Variants in HECW2 observed in about 807,000 individuals in gnomAD.
HECW2 encodes E3 ubiquitin-protein ligase HECW2.
A neutral mutation model predicts 175.2 loss-of-function variants in HECW2; 61 were observed. That is an observed-to-expected ratio of 0.35 (90% CI 0.28 to 0.43). HECW2 has a LOEUF of 0.43. HECW2 is among the 20% of genes least tolerant of loss of function. HECW2 has a pLI of 1.00. For synonymous variants in HECW2, 671 were observed against 731.0 expected (o/e 0.92, Z 1.32); for missense variants, 1,524 against 2,000.5 (o/e 0.76, Z 4.54).
intron 28 of HECW2, among the ~76,000 whole-genome samples, chr2:196,211,865 CAG>C (rs1297583533): frequency 6.6e-6 from 1 of 152,026 alleles, no homozygotes; most frequent in African/African-American, 2.4e-5. Flanking sequence ...CTTTTTGAGA[CAG>C]AGTCTTGCTC....
intron 1 of HECW2, among the ~76,000 whole-genome samples, chr2:196,458,511 G>C (rs1313679695): frequency 6.6e-6 from 1 of 151,876 alleles, no homozygotes; most frequent in Non-Finnish European, 1.5e-5. Context: ...TACTAGTACT[G>C]AGGCAAATCA....
chr2:196,262,659 G>A (rs1204819434), intron 17 of HECW2, among the ~76,000 whole-genome samples: 5 of 151,794 alleles, frequency 3.3e-5, no homozygotes, highest in African/African-American at 7.3e-5. Flanking sequence ...TCTGCCTCCC[G>A]GGTTCAAGTG....
At chr2:196,555,904 G>C (rs947842538) in intron 1 of HECW2, among the ~76,000 whole-genome samples, 2 of 152,094 alleles carry the variant, frequency 1.3e-5, no homozygotes, top group Admixed American at 6.5e-5. Flanking sequence ...CTTGATCTCT[G>C]TGCTTCAGCC....
chr2:196,574,024 A>T (rs1394720384), intron 1 of HECW2, among the ~76,000 whole-genome samples: 1 of 151,894 alleles, frequency 6.6e-6, no homozygotes, highest in Admixed American at 6.6e-5. Context: ...TCAAAAAAAA[A>T]GTTCCAGGAT....
intron 2 of HECW2, among the ~76,000 whole-genome samples, chr2:196,379,211 GTC>G (rs1694133847): frequency 1.3e-5 from 2 of 152,140 alleles, no homozygotes; most frequent in Admixed American, 6.5e-5. Context: ...CTCTAAATAA[GTC>G]TATTTTTATT....
intron 13 of HECW2, among the ~76,000 whole-genome samples, chr2:196,295,659 AT>A (rs1484667461): frequency 6.6e-6 from 1 of 152,124 alleles, no homozygotes; most frequent in Non-Finnish European, 1.5e-5. Flanking sequence ...CCACATTCTG[AT>A]TTCTTATCTA....
intron 1 of HECW2, among the ~76,000 whole-genome samples, chr2:196,576,972 T>C (rs914901131): frequency 6.6e-6 from 1 of 152,204 alleles, no homozygotes; most frequent in Admixed American, 6.5e-5. Context: ...TTTCCACTTA[T>C]ACAGGAAGGA....
At chr2:196,463,073 T>G (rs1285422398) in intron 1 of HECW2, among the ~76,000 whole-genome samples, 2 of 152,160 alleles carry the variant, frequency 1.3e-5, no homozygotes, top group Non-Finnish European at 2.9e-5. Flanking sequence ...TAAGTGGCAA[T>G]TAGTCATAGG....
At chr2:196,452,295 G>C (rs562264833) in intron 1 of HECW2, among the ~76,000 whole-genome samples, 6 of 152,272 alleles carry the variant, frequency 3.9e-5, no homozygotes, top group African/African-American at 1.4e-4. Context: ...ATAAATGGTA[G>C]TGTTTTAGAT....
intron 19 of HECW2, among the ~76,000 whole-genome samples, chr2:196,249,465 A>C (rs200443674): frequency 5.0e-5 from 1 of 19,844 alleles, no homozygotes; most frequent in Non-Finnish European, 3.9e-3. Flanking sequence ...AATGAGGAAA[A>C]GGGGGAAAGT....
intron 1 of HECW2, among the ~76,000 whole-genome samples, chr2:196,512,172 G>A (rs767929832): frequency 3.9e-5 from 6 of 152,322 alleles, no homozygotes; most frequent in South Asian, 2.1e-4. Context: ...TCACAATGAC[G>A]GGCCACGTGA....
At chr2:196,486,596 C>T (rs1400854514) in intron 1 of HECW2, among the ~76,000 whole-genome samples, 1 of 152,160 alleles carries the variant, frequency 6.6e-6, no homozygotes, top group Non-Finnish European at 1.5e-5. Context: ...TGGCAGCCCT[C>T]CCCTGGAAGA....
intron 1 of HECW2, among the ~76,000 whole-genome samples, chr2:196,462,709 A>G (rs1696795819): frequency 6.6e-6 from 1 of 151,978 alleles, no homozygotes; most frequent in Non-Finnish European, 1.5e-5. Flanking sequence ...GATGTTGAAC[A>G]AAATGAAATG....
At chr2:196,527,007 C>T (rs1688679345) in intron 1 of HECW2, among the ~76,000 whole-genome samples, 1 of 152,134 alleles carries the variant, frequency 6.6e-6, no homozygotes, top group Non-Finnish European at 1.5e-5. Context: ...GGGCTCCACC[C>T]AGTTGGAGCT....
chr2:196,328,565 T>C (rs1392401613), intron 5 of HECW2, among the ~76,000 whole-genome samples: 1 of 152,214 alleles, frequency 6.6e-6, no homozygotes, highest in Non-Finnish European at 1.5e-5. Flanking sequence ...AATAGTCTGT[T>C]TCAGGATCAG....
chr2:196,511,311 T>A (rs1252975764), intron 1 of HECW2, among the ~76,000 whole-genome samples: 1 of 152,236 alleles, frequency 6.6e-6, no homozygotes, highest in Non-Finnish European at 1.5e-5. Context: ...AATGATGTTA[T>A]CAAAACACCA....
intron 1 of HECW2, among the ~76,000 whole-genome samples, chr2:196,475,312 G>A (rs2125360699): frequency 6.6e-6 from 1 of 151,544 alleles, no homozygotes; most frequent in Admixed American, 6.6e-5. Flanking sequence ...AGAAGGGAGT[G>A]GGGAGAATAA....
intron 1 of HECW2, among the ~76,000 whole-genome samples, chr2:196,495,322 T>C (rs987137955): frequency 2.0e-5 from 3 of 152,136 alleles, no homozygotes; most frequent in Admixed American, 1.3e-4. Context: ...CACCTCGGCC[T>C]CCCAAAGTGC....
At chr2:196,593,190 C>G (rs975599653) in intron 1 of HECW2, among the ~76,000 whole-genome samples, 1 of 151,554 alleles carries the variant, frequency 6.6e-6, no homozygotes, top group Admixed American at 6.6e-5. Context: ...CCCCGGGTTA[C>G]GCCACGGCCC....
Sources: gnomAD v4.1 joint callset for allele counts (sites outside exome capture counted in the v4.1 genomes callset) on GRCh38, gnomAD v4.1.1 for gene constraint, MANE v1.5 for transcripts, NCBI Gene and HGNC (gene_info 2026-07-23, HGNC 2026-07-21) for gene names.